Variants in CD276 observed in about 807,000 individuals in gnomAD.
CD276 encodes the protein CD276 antigen.
A neutral mutation model predicts 50.0 loss-of-function variants in CD276; 34 were observed. That is an observed-to-expected ratio of 0.68 (90% CI 0.52 to 0.91). The LOEUF is 0.91. CD276 is among the 40% of genes least tolerant of loss of function. The pLI, the probability that CD276 is intolerant of heterozygous loss-of-function variation, is 0.00. For missense variants in CD276, 634 were observed against 717.5 expected, an observed-to-expected ratio of 0.88 and a Z score of 1.33; for synonymous variants, 275 against 313.0, an observed-to-expected ratio of 0.88 and a Z score of 1.28.
chr15:73,692,615 T>A (rs1247442437), intron 1 of CD276, among the ~76,000 whole-genome samples: 4 of 152,222 alleles, frequency 2.6e-5, no homozygotes, highest in Non-Finnish European at 5.9e-5. Context: ...ATAATATATA[T>A]AACATGGGTA....
chr15:73,694,300 T>C (rs1900092904), intron 1 of CD276, among the ~76,000 whole-genome samples: 1 of 152,206 alleles, frequency 6.6e-6, no homozygotes. Context: ...TGTCCAAAGC[T>C]GGGCTCAGGC....
intron 1 of CD276, among the ~76,000 whole-genome samples, chr15:73,693,334 C>T (rs1233404526): frequency 6.6e-6 from 1 of 152,110 alleles, no homozygotes; most frequent in Non-Finnish European, 1.5e-5. Flanking sequence ...GACAGGGTTA[C>T]ACAGCATTGT....
intron 1 of CD276, among the ~76,000 whole-genome samples, chr15:73,690,185 T>C (rs550341393): frequency 6.6e-6 from 1 of 152,360 alleles, no homozygotes; most frequent in South Asian, 2.1e-4. Flanking sequence ...CGTTCACTCA[T>C]TGAATCGTGC....
Position 73,712,154 on chromosome 15 carries a change from CAAAAA to C in CD276, c.1583-764_1583-760del, listed in dbSNP as rs386383477. ...TGGGCAACAGAGCAAGATTCCATCTCAAAAAAAAAAAAAAAAAAAAGTCAGCTTGG... is the reference window on the plus strand; with the variant it reads ...TGGGCAACAGAGCAAGATTCCATCTCAAAAAAAAAAAAAAAGTCAGCTTGG... On this transcript the variant is annotated intron_variant, in intron 9 of 9. Coordinates refer to ENST00000318443, the MANE Select transcript of CD276 (RefSeq NM_001024736.2). The C allele has an allele frequency of 8.3e-5, 8 of 95,874 alleles. No individual in the cohort carries two copies. In the South Asian group the frequency reaches 1.2e-3, roughly 14 times the overall value. 5.9% of individuals were successfully genotyped at this position (95,874 alleles called of 1,614,324 possible). A position where few individuals can be genotyped will look rare whatever the true frequency, so the allele number is the denominator to read the frequency against.
chr15:73,708,748 T>G, intron 7 of CD276: 1 of 478,236 alleles, frequency 2.1e-6, no homozygotes, highest in Non-Finnish European at 3.8e-6. Flanking sequence ...TACAAAGGGA[T>G]GAGTGTGTGC....
At position 73,709,662 on chromosome 15, in the gene CD276, G is replaced by T. The variant is rs199731294; in HGVS notation, c.1519G>T (p.Asp507Tyr). 1 of 1,613,126 alleles carries T rather than the reference G, an allele frequency of 6.2e-7. No individual in the cohort carries two copies. The highest frequency in any genetic ancestry group is 8.5e-7 in the Non-Finnish European group (1 of 1,179,706). The change falls in exon 8 of 10, where the codon GAT (aspartate) becomes TAT (tyrosine). Residue 507 changes from aspartate to tyrosine, a missense_variant. By Grantham distance (160) the Asp-to-Tyr change is radical (BLOSUM62 -3). Coordinates refer to ENST00000318443, the MANE Select transcript of CD276 (RefSeq NM_001024736.2). ...EEENAGAEDQ[D>Y]GEGEGSKTAL... is the part of the protein sequence containing the mutation. Reference sequence around the variant, plus strand: ...TGCCTTTGCAGGAGCTGAGGACCAGGATGGGGAGGGAGAAGGCTCCAAGAC... The same window carrying T: ...TGCCTTTGCAGGAGCTGAGGACCAGTATGGGGAGGGAGAAGGCTCCAAGAC...
intron 1 of CD276, among the ~76,000 whole-genome samples, chr15:73,685,247 G>T (rs143332741): frequency 6.6e-6 from 1 of 152,124 alleles, no homozygotes; most frequent in Non-Finnish European, 1.5e-5. Flanking sequence ...CCGAGTGGGG[G>T]CACACTAGAA....
At chr15:73,700,122 T>C (rs1312339673) in intron 2 of CD276, among the ~76,000 whole-genome samples, 1 of 151,942 alleles carries the variant, frequency 6.6e-6, no homozygotes, top group South Asian at 2.1e-4. Context: ...ACACCTCCGC[T>C]CCTCCCTCCC....
intron 9 of CD276, among the ~76,000 whole-genome samples, chr15:73,712,668 A>T (rs897378321): frequency 2.0e-5 from 3 of 152,150 alleles, no homozygotes; most frequent in South Asian, 2.1e-4. Flanking sequence ...AGGGAAGTGT[A>T]TCGGGCTGTG....
chr15:73,704,531 C>G lies in CD276; in HGVS notation c.1369+59C>G. ...GCGAGTAACTCCCTCTTTACTGGAC[C>G]CTAACGTGGAATTTCCATAGGTTTG... On this transcript the variant is annotated intron_variant, in intron 6 of 9. Coordinates refer to ENST00000318443, the MANE Select transcript of CD276 (RefSeq NM_001024736.2). The surrounding 1 kb of genome is among the most constrained non-coding windows in gnomAD (Gnocchi z 4.1). The G allele has an allele frequency of 6.5e-7, 1 of 1,542,778 alleles. No homozygotes were observed. The highest frequency in any genetic ancestry group is 8.8e-7 in the Non-Finnish European group (1 of 1,141,894).
rs1303723800 is a variant in CD276 at position 73,713,884 on chromosome 15, G to C, written c.*928G>C. On this transcript the variant is annotated 3_prime_UTR_variant, in exon 10 of 10. Transcript: ENST00000318443. ...ACTACAGATGTCAGCACTGTGTTAG[G>C]TGCTGGGGGCCCTGCGTGGGAAGAT... 2 of 395,848 alleles carry C rather than the reference G, an allele frequency of 5.1e-6. No individual in the cohort carries two copies. Among genetic ancestry groups the C allele is most frequent in the South Asian group, 3.7e-5 (2 of 54,546 alleles). The allele number at this position is 395,848 out of a possible 1,614,324, so 24.5% of individuals were successfully genotyped here. A position where few individuals can be genotyped will look rare whatever the true frequency, so the allele number is the denominator to read the frequency against.
At chr15:73,706,786 C>T (rs931428795) in intron 6 of CD276, among the ~76,000 whole-genome samples, 6 of 152,208 alleles carry the variant, frequency 3.9e-5, no homozygotes, top group Non-Finnish European at 7.3e-5. Context: ...ATGGAGCAAG[C>T]CCTAGAGACG....
intron 1 of CD276, chr15:73,690,552 A>G (rs1361852421): frequency 2.6e-6 from 1 of 383,426 alleles, no homozygotes; most frequent in African/African-American, 2.1e-5. Context: ...TTGCTGCATT[A>G]TCCTATTGTG....
rs1899833978 is a variant in CD276, at chr15:73,687,972, T to C, written c.-55+3512T>C. Among the ~76,000 whole-genome samples the C allele has an allele frequency of 6.6e-6, 1 of 152,088 alleles. No homozygotes were observed. The highest frequency in any genetic ancestry group is 1.5e-5 in the Non-Finnish European group (1 of 68,014). ...GTGTCCCTGTGGGAATGCTCTGTGC[T>C]AGGGGCTATGGCAGCAGGACGGTAG... On this transcript the variant is annotated intron_variant, in intron 1 of 9. Transcript: ENST00000318443. This position sits in a 1 kb window ranked among gnomAD's most constrained non-coding sequence, Gnocchi z 4.0.
chr15:73,699,699 A>C lies in CD276; in HGVS notation c.60A>C (p.Ala20=). 1.2e-6 allele frequency: 2 copies of C among 1,608,534 alleles called. No homozygotes were observed. Among genetic ancestry groups the C allele is most frequent in the Non-Finnish European group, 1.7e-6 (2 of 1,177,040 alleles). ...TGCATGTGGGTGCAGCCCTGGGAGC[A>C]CTGTGGTTCTGCCTCACAGGTGAGG... is the stretch of plus-strand genomic sequence containing the variant. The part of the protein sequence containing the change: ...MGVHVGAALG[A]LWFCLTGALE... The change falls in exon 2 of 10, where the codon GCA becomes GCC. Residue 20 remains alanine (A), a synonymous_variant. Coordinates refer to ENST00000318443, the MANE Select transcript of CD276 (RefSeq NM_001024736.2).
In CD276 at chr15:73,703,996, C is replaced by T. The variant is rs142119581; in HGVS notation, c.1071C>T (p.Ala357=). The T allele has an allele frequency of 5.2e-5, 84 of 1,607,582 alleles. No homozygotes were observed. The highest frequency in any genetic ancestry group is 6.3e-5 in the Non-Finnish European group (74 of 1,177,700). ...FGSAAVSLQV[A]APYSKPSMTL... ...GCGCTGCCGTCAGCCTGCAGGTGGC[C>T]GGTGAGCACCAGGAGGGCGACGCCT... The change falls in exon 5 of 10, where the codon GCC becomes GCT. Residue 357 remains alanine (A), a splice_region_variant and synonymous_variant. Coordinates refer to ENST00000318443, the MANE Select transcript of CD276 (RefSeq NM_001024736.2).
intron 4 of CD276, among the ~76,000 whole-genome samples, chr15:73,703,296 A>G (rs1484003007): frequency 6.6e-6 from 1 of 152,128 alleles, no homozygotes; most frequent in Non-Finnish European, 1.5e-5. Flanking sequence ...TCCTGACTTC[A>G]AGGCTCTGGA....
At position 73,713,432 on chromosome 15, in the gene CD276, A is replaced by G. The variant is rs1900992139; in HGVS notation, c.*476A>G. Reference sequence around the variant, plus strand: ...CAATGGCCGTGATACACTAGTGATCATGTTCAGCCCTGCTTCCACCTGCAT... The same window carrying G: ...CAATGGCCGTGATACACTAGTGATCGTGTTCAGCCCTGCTTCCACCTGCAT... On this transcript the variant is annotated 3_prime_UTR_variant, in exon 10 of 10. Transcript: ENST00000318443. The G allele has an allele frequency of 2.2e-5, 6 of 267,750 alleles. No individual in the cohort carries two copies. Among genetic ancestry groups the G allele is most frequent in the South Asian group, 1.8e-4 (5 of 27,788 alleles). 16.6% of individuals were successfully genotyped at this position (267,750 alleles called of 1,614,324 possible).
At chr15:73,697,926 C>A (rs1293619727) in intron 1 of CD276, among the ~76,000 whole-genome samples, 1 of 152,162 alleles carries the variant, frequency 6.6e-6, no homozygotes, top group Non-Finnish European at 1.5e-5. Flanking sequence ...GCCTATCTCC[C>A]AGGGTATTAG....
Sources: allele counts gnomAD v4.1 joint callset (sites outside exome capture counted in the v4.1 genomes callset), GRCh38; gene constraint gnomAD v4.1.1; non-coding constraint Gnocchi (gnomAD v3.1); transcripts MANE v1.5; gene names NCBI Gene and HGNC (gene_info 2026-07-23, HGNC 2026-07-21).